SLC25A37: variants seen among roughly 807,000 people sequenced by gnomAD.
The protein encoded by SLC25A37 is solute carrier family 25 member 37, also known as mitoferrin-1.
In SLC25A37, 17 loss-of-function variants were observed where a neutral mutation model predicts 31.0. That is an observed-to-expected ratio of 0.55 (90% confidence interval 0.38 to 0.82). SLC25A37 has a LOEUF of 0.82. Among genes scored for constraint, SLC25A37 ranks in the 40% least tolerant of loss-of-function variants. The pLI is 0.00. For synonymous variants in SLC25A37, 222 were observed against 193.0 expected, an observed-to-expected ratio of 1.15 and a Z score of -1.24; for missense variants, 404 against 465.8, an observed-to-expected ratio of 0.87 and a Z score of 1.22.
In SLC25A37 at chr8:23,571,757, A is replaced by C. The variant is rs1372948636; in HGVS notation, c.919A>C (p.Ile307Leu). The change falls in exon 4 of 4, where the codon ATC becomes CTC. Residue 307 changes from isoleucine (I) to leucine (L), a missense_variant. Around this residue, in one of 3 missense-constraint regions of SLC25A37, gnomAD observed 243 missense variants for 284.4 expected, o/e 0.85. Transcript: ENST00000519973. The part of the protein sequence containing the change: ...GYFKGIQARV[I>L]YQMPSTAISW... ...CTTCAAAGGCATCCAGGCGCGTGTCATCTACCAGATGCCCTCCACCGCCAT... is the reference window on the plus strand; with the variant it reads ...CTTCAAAGGCATCCAGGCGCGTGTCCTCTACCAGATGCCCTCCACCGCCAT... 2.5e-6 allele frequency: 4 copies of C among 1,613,894 alleles called. No homozygotes were observed. In the East Asian group the frequency reaches 6.7e-5, roughly 27 times the overall value.
intron 1 of SLC25A37, among the ~76,000 whole-genome samples, chr8:23,549,317 C>T (rs1044954339): frequency 6.6e-6 from 1 of 152,104 alleles, no homozygotes; most frequent in Non-Finnish European, 1.5e-5. Context: ...ACCCTTCTGG[C>T]CAGACGGCTT....
At chr8:23,566,372 CTCT>C in intron 2 of SLC25A37, 36 bp downstream of exon 2, 1 of 1,587,242 alleles carries the variant, frequency 6.3e-7, no homozygotes, top group Non-Finnish European at 8.5e-7. Context: ...TTAGAAAGTT[CTCT>C]TCTTCAACAC....
rs1009004063 is a variant in SLC25A37, at chr8:23,550,949, G to A, written c.211-15159G>A. ...GGGCGGCCTCTGGCTGTTGCCCCCA[G>A]GGCTGGTCTCCCTATAGTTCAGAGG... On this transcript the variant is annotated intron_variant, in intron 1 of 3. Transcript: ENST00000519973. 7.9e-5 allele frequency among the ~76,000 whole-genome samples: 12 copies of A among 152,334 alleles called. No homozygotes were observed. The Middle Eastern group carries it at 0.01, about 130-fold the overall frequency.
chr8:23,551,388 C>T (rs562469896), intron 1 of SLC25A37, among the ~76,000 whole-genome samples: 56 of 152,218 alleles, frequency 3.7e-4, no homozygotes, highest in African/African-American at 1.3e-3. Flanking sequence ...CTTGGTTTCC[C>T]TTCTGTGAGT....
chr8:23,573,840 A>G lies in SLC25A37; in HGVS notation c.*1985A>G. 1 of 456,652 alleles carries G rather than the reference A, an allele frequency of 2.2e-6. No homozygotes were observed. The highest frequency in any genetic ancestry group is 1.5e-5 in the South Asian group (1 of 64,568). 28.3% of individuals were successfully genotyped at this position (456,652 alleles called of 1,614,324 possible). ...CCTGCTCTGCCCCCCACTCCCCAAA[A>G]CCAGTTGCAGCCTCAACCCACATGG... is the stretch of plus-strand genomic sequence containing the variant. On this transcript the variant is annotated 3_prime_UTR_variant, in exon 4 of 4. Transcript: ENST00000519973.
chr8:23,575,295 A>G lies in SLC25A37; in HGVS notation c.*3440A>G, dbSNP rs757149699. 1 of 152,102 alleles carries G rather than the reference A, an allele frequency of 6.6e-6. No individual in the cohort carries two copies. The highest frequency in any genetic ancestry group is 1.5e-5 in the Non-Finnish European group (1 of 68,026). 9.4% of individuals were successfully genotyped at this position (152,102 alleles called of 1,614,324 possible). ...TATGTTTCAAGGGTGAGCAAGTGTT[A>G]TTTCTTAAATTTCTCAAATGCCTGT... On this transcript the variant is annotated 3_prime_UTR_variant, in exon 4 of 4. Coordinates refer to ENST00000519973, the MANE Select transcript of SLC25A37 (RefSeq NM_016612.4).
chr8:23,541,049 C>A (rs906448208), intron 1 of SLC25A37, among the ~76,000 whole-genome samples: 1 of 152,224 alleles, frequency 6.6e-6, no homozygotes, highest in Admixed American at 6.5e-5. Flanking sequence ...TAACCTCTCT[C>A]CTTACAGTGT....
intron 3 of SLC25A37, among the ~76,000 whole-genome samples, chr8:23,570,233 A>G (rs1225912034): frequency 6.6e-6 from 1 of 152,134 alleles, no homozygotes; most frequent in Non-Finnish European, 1.5e-5. Context: ...TTTTATTTAC[A>G]AAGTAGAGAG....
At chr8:23,532,040 T>G (rs1801671943) in intron 1 of SLC25A37, 1 of 152,206 alleles carries the variant, frequency 6.6e-6, no homozygotes, top group Admixed American at 6.5e-5. Context: ...ACGTGTACAA[T>G]GTACTTCTGG....
Position 23,566,242 on chromosome 8 carries a change from G to A in SLC25A37, c.345G>A (p.Gly115=). The A allele has an allele frequency of 6.2e-7, 1 of 1,602,584 alleles. No homozygotes were observed. Among genetic ancestry groups the A allele is most frequent in the Non-Finnish European group, 8.5e-7 (1 of 1,176,326 alleles). The change falls in exon 2 of 4, where the codon GGG becomes GGA. Residue 115 remains glycine, a synonymous_variant. Transcript: ENST00000519973. ...TCAACGTCATGATCATGGGTGCAGG[G>A]CCGGCCCATGCCATGTATTTTGCCT... The part of the protein sequence containing the change: ...RGVNVMIMGA[G]PAHAMYFACY...
chr8:23,529,804 T>TC lies in SLC25A37; in HGVS notation c.210+596dup, dbSNP rs1801628228. 6.6e-6 allele frequency among the ~76,000 whole-genome samples: 1 copy of TC among 152,098 alleles called. No individual in the cohort carries two copies. Among genetic ancestry groups the TC allele is most frequent in the Non-Finnish European group, 1.5e-5 (1 of 68,020 alleles). On this transcript the variant is annotated intron_variant, in intron 1 of 3. Transcript: ENST00000519973. The surrounding 1 kb of genome is among the most constrained non-coding windows in gnomAD (Gnocchi z 4.1). ...ACCGGTTCGACAGCGGCCCGTGGGATCCCCTTTCTGAGGGTTCCTGCACTT... is the reference window on the plus strand; with the variant it reads ...ACCGGTTCGACAGCGGCCCGTGGGATCCCCCTTTCTGAGGGTTCCTGCACTT...
intron 1 of SLC25A37, among the ~76,000 whole-genome samples, chr8:23,546,732 A>G (rs1174440229): frequency 6.6e-6 from 1 of 150,702 alleles, no homozygotes; most frequent in African/African-American, 2.4e-5. Context: ...CAGCTCAGAA[A>G]TGACTTTTAA....
rs1277781181 is a variant in SLC25A37 at position 23,529,057 on chromosome 8, G to T, written c.55G>T (p.Gly19Trp). 1 of 1,583,270 alleles carries T rather than the reference G, an allele frequency of 6.3e-7. No homozygotes were observed. The highest frequency in any genetic ancestry group is 8.6e-7 in the Non-Finnish European group (1 of 1,166,240). Reference protein sequence around the residue: ...GSQAVARRMDGDSRDGGGGKD... With the variant: ...GSQAVARRMDWDSRDGGGGKD... ...CCAGGCGGTGGCGCGGAGGATGGAT[G>T]GGGACAGCCGAGATGGCGGCGGCGG... Residue 19 changes from glycine (G) to tryptophan (W), a missense_variant, in exon 1 of 4, where the codon GGG becomes TGG. Gly to Trp is a radical substitution (Grantham distance 184). Around this residue, in one of 3 missense-constraint regions of SLC25A37, gnomAD observed 154 missense variants for 153.6 expected, o/e 1.00. Transcript: ENST00000519973. This position sits in a 1 kb window ranked among gnomAD's most constrained non-coding sequence, Gnocchi z 4.1.
rs1249008974 is a variant in SLC25A37 at position 23,529,444 on chromosome 8, G to C, written c.210+232G>C. Among the ~76,000 whole-genome samples, 4 of 151,760 alleles carry C rather than the reference G, an allele frequency of 2.6e-5. No homozygotes were observed. Among genetic ancestry groups the C allele is most frequent in the Non-Finnish European group, 5.9e-5 (4 of 67,900 alleles). On this transcript the variant is annotated intron_variant, in intron 1 of 3. Transcript: ENST00000519973. This position sits in a 1 kb window ranked among gnomAD's most constrained non-coding sequence, Gnocchi z 4.1. ...CCCCGCACCGCCCGCTGCTCCAGCC[G>C]CGTGCCCGGCCCCGGCTGCTGGCGG...
At chr8:23,546,531 GTATATATATATATATATATATAGTGTATA>G (rs1464926995) in intron 1 of SLC25A37, among the ~76,000 whole-genome samples, 65 of 36,436 alleles carry the variant, frequency 1.8e-3, no homozygotes, top group South Asian at 5.8e-3. Context: ...ATATATAGGT[GTATATATATATATATATATATAGTGTATA>G]TATATATATA....
chr8:23,571,446 C>A lies in SLC25A37; in HGVS notation c.608C>A (p.Thr203Lys). The A allele has an allele frequency of 6.2e-7, 1 of 1,614,050 alleles. No individual in the cohort carries two copies. The highest frequency in any genetic ancestry group is 8.5e-7 in the Non-Finnish European group (1 of 1,179,900). The change falls in exon 4 of 4, where the codon ACG (threonine) becomes AAG (lysine). Residue 203 changes from threonine (T) to lysine (K), a missense_variant. Thr to Lys is a moderately conservative substitution (Grantham distance 78, BLOSUM62 -1). Transcript: ENST00000519973. ...GLGAFYRSYT[T>K]QLTMNIPFQS... ...GGGGCCTTCTACCGGAGCTACACCA[C>A]GCAGCTGACCATGAACATCCCCTTC... is the stretch of plus-strand genomic sequence containing the variant.
chr8:23,566,215 C>G lies in SLC25A37; in HGVS notation c.318C>G (p.Gly106=), dbSNP rs531681015. The change falls in exon 2 of 4, where the codon GGC becomes GGG. Residue 106 remains glycine, a synonymous_variant. Transcript: ENST00000519973. The part of the protein sequence containing the change: ...RTEGFWRPLR[G]VNVMIMGAGP... Reference sequence around the variant, plus strand: ...AAGGCTTCTGGAGGCCCTTGCGAGGCGTCAACGTCATGATCATGGGTGCAG... The same window carrying G: ...AAGGCTTCTGGAGGCCCTTGCGAGGGGTCAACGTCATGATCATGGGTGCAG... 1 of 1,603,062 alleles carries G rather than the reference C, an allele frequency of 6.2e-7. No homozygotes were observed. The highest frequency in any genetic ancestry group is 1.8e-5 in the Admixed American group (1 of 56,978).
intron 1 of SLC25A37, among the ~76,000 whole-genome samples, chr8:23,539,222 C>T (rs1422639715): frequency 6.6e-6 from 1 of 152,198 alleles, no homozygotes; most frequent in Non-Finnish European, 1.5e-5. Context: ...CATAACAGGT[C>T]TAGGAAACGT....
chr8:23,559,940 GT>G (rs1585196686), intron 1 of SLC25A37, among the ~76,000 whole-genome samples: 1 of 152,282 alleles, frequency 6.6e-6, no homozygotes, highest in African/African-American at 2.4e-5. Context: ...ACTCCCAGAT[GT>G]TTTTTCCCCT....
Sources: gnomAD v4.1 joint callset for allele counts (sites outside exome capture counted in the v4.1 genomes callset) on GRCh38, gnomAD v4.1.1 for gene constraint, gnomAD v4.1.1 regional missense constraint, Gnocchi (gnomAD v3.1) non-coding constraint, MANE v1.5 for transcripts, NCBI Gene and HGNC (gene_info 2026-07-23, HGNC 2026-07-21) for gene names.